Variants in NIBAN1 observed in about 807,000 individuals in gnomAD.
NIBAN1 encodes niban apoptosis regulator 1.
Under a neutral mutation model 75.1 loss-of-function variants are expected in NIBAN1, and 81 were observed. That is an observed-to-expected ratio of 1.08 (90% CI 0.90 to 1.30). The LOEUF (loss-of-function observed/expected upper bound fraction) is 1.30. Among genes scored for constraint, NIBAN1 ranks in the 50% most tolerant of loss-of-function variants. The pLI, the probability that NIBAN1 is intolerant of heterozygous loss-of-function variation, is 0.00. For missense variants in NIBAN1, 1,133 were observed against 1,128.1 expected (o/e 1.00, Z -0.06); for synonymous variants, 436 against 424.8 (o/e 1.03, Z -0.32).
At chr1:184,933,692 C>T (rs1163854447) in intron 1 of NIBAN1, among the ~76,000 whole-genome samples, 1 of 152,256 alleles carries the variant, frequency 6.6e-6, no homozygotes, top group Non-Finnish European at 1.5e-5. Context: ...ATCAATATTA[C>T]AGCAGCACCC....
chr1:184,923,817 T>C (rs780223994), intron 1 of NIBAN1, among the ~76,000 whole-genome samples: 14 of 152,184 alleles, frequency 9.2e-5, no homozygotes, highest in Non-Finnish European at 1.9e-4. Context: ...TATTTAATTT[T>C]ATTAGCATCT....
intron 5 of NIBAN1, among the ~76,000 whole-genome samples, chr1:184,853,771 A>G (rs1194318813): frequency 6.6e-6 from 1 of 152,064 alleles, no homozygotes; most frequent in Non-Finnish European, 1.5e-5. Context: ...ACAAACACAC[A>G]CATCTTTCTC....
chr1:184,956,139 C>T (rs1658486263), intron 1 of NIBAN1, among the ~76,000 whole-genome samples: 1 of 152,044 alleles, frequency 6.6e-6, no homozygotes, highest in African/African-American at 2.4e-5. Context: ...AGCGATCTTC[C>T]TACCTCAGCC....
At chr1:184,927,748 T>C (rs561070610) in intron 1 of NIBAN1, among the ~76,000 whole-genome samples, 10 of 151,920 alleles carry the variant, frequency 6.6e-5, no homozygotes, top group East Asian at 1.9e-4. Context: ...GAATGGTGAG[T>C]TCCCCCCAGG....
chr1:184,948,457 C>A (rs917524851), intron 1 of NIBAN1, among the ~76,000 whole-genome samples: 2 of 152,138 alleles, frequency 1.3e-5, no homozygotes, highest in Admixed American at 6.5e-5. Flanking sequence ...TATTATGCAT[C>A]TATGATGGCC....
intron 1 of NIBAN1, among the ~76,000 whole-genome samples, chr1:184,965,776 G>A (rs2102088043): frequency 6.6e-6 from 1 of 152,230 alleles, no homozygotes; most frequent in East Asian, 1.9e-4. Context: ...TAACAAACCT[G>A]CACGCGCTGC....
intron 1 of NIBAN1, among the ~76,000 whole-genome samples, chr1:184,901,680 C>T (rs1656959609): frequency 6.6e-6 from 1 of 152,166 alleles, no homozygotes; most frequent in Non-Finnish European, 1.5e-5. Flanking sequence ...AGGTGAATGT[C>T]ATTTTATGAT....
intron 1 of NIBAN1, among the ~76,000 whole-genome samples, chr1:184,952,821 A>T (rs550957808): frequency 2.0e-5 from 3 of 152,214 alleles, no homozygotes; most frequent in Non-Finnish European, 4.4e-5. Context: ...GACAAGCCCA[A>T]AGTCACATGG....
intron 1 of NIBAN1, among the ~76,000 whole-genome samples, chr1:184,969,348 C>A (rs1003092291): frequency 2.0e-5 from 3 of 152,188 alleles, no homozygotes; most frequent in African/African-American, 7.2e-5. Flanking sequence ...CTTTGCAGTG[C>A]TCCAAGTATT....
At chr1:184,843,127 C>T (rs1051247868) in intron 5 of NIBAN1, among the ~76,000 whole-genome samples, 2 of 152,230 alleles carry the variant, frequency 1.3e-5, no homozygotes, top group Admixed American at 1.3e-4. Flanking sequence ...AAGGAATCAA[C>T]ACTTCAGGTG....
intron 5 of NIBAN1, among the ~76,000 whole-genome samples, chr1:184,883,028 G>T (rs759932783): frequency 2.0e-5 from 3 of 152,028 alleles, no homozygotes; most frequent in Non-Finnish European, 2.9e-5. Context: ...ATCTTTTTCC[G>T]TGAGTCCCCA....
intron 10 of NIBAN1, 113 bp downstream of exon 10, chr1:184,807,961 A>C: frequency 8.1e-7 from 1 of 1,240,566 alleles, no homozygotes; most frequent in Non-Finnish European, 1.2e-6. Context: ...TGATGGCTAA[A>C]GAGACGCGAC....
intron 8 of NIBAN1, among the ~76,000 whole-genome samples, chr1:184,819,176 A>T (rs1373862668): frequency 6.6e-6 from 1 of 152,192 alleles, no homozygotes. Context: ...AAATATGCAC[A>T]GTTTGTCTTC....
intron 9 of NIBAN1, among the ~76,000 whole-genome samples, chr1:184,816,851 A>C (rs185833372): frequency 0.024 from 3,622 of 151,284 alleles, 61 homozygotes; most frequent in Non-Finnish European, 0.036. Flanking sequence ...AAAATGACCA[A>C]AAGGGGGGAA....
rs780062891 is a variant in NIBAN1, at chr1:184,795,324, C to T, written c.2440G>A (p.Glu814Lys). 5.0e-6 allele frequency: 8 copies of T among 1,611,060 alleles called. No homozygotes were observed. The Admixed American group carries it at 6.7e-5, about 13-fold the overall frequency. The change falls in exon 14 of 14, where the codon GAG (glutamate) becomes AAG (lysine). Residue 814 changes from glutamate to lysine, a missense_variant. Physicochemically the swap from Glu to Lys is moderately conservative, Grantham distance 56. Coordinates refer to ENST00000367511, the MANE Select transcript of NIBAN1 (RefSeq NM_052966.4). ...TEEPLGPMEGELPGEACTLTA... is the reference protein window; with the variant it reads ...TEEPLGPMEGKLPGEACTLTA... Reference sequence around the variant, plus strand: ...AGTGTGCAGGCCTCTCCTGGGAGCTCCCCCTCCATGGGCCCCAGGGGCTCC... The same window carrying T: ...AGTGTGCAGGCCTCTCCTGGGAGCTTCCCCTCCATGGGCCCCAGGGGCTCC...
intron 9 of NIBAN1, among the ~76,000 whole-genome samples, chr1:184,809,650 TATAC>T (rs1654317370): frequency 7.0e-6 from 1 of 142,020 alleles, no homozygotes; most frequent in Non-Finnish European, 1.5e-5. Context: ...TGTATATATA[TATAC>T]ACATATATAT....
chr1:184,940,976 G>A (rs1022956326), intron 1 of NIBAN1, among the ~76,000 whole-genome samples: 3 of 152,176 alleles, frequency 2.0e-5, no homozygotes, highest in African/African-American at 7.2e-5. Context: ...GAAGGCATCC[G>A]GACACACGTC....
chr1:184,893,857 T>C (rs1185266404), intron 3 of NIBAN1, among the ~76,000 whole-genome samples: 1 of 152,226 alleles, frequency 6.6e-6, no homozygotes, highest in African/African-American at 2.4e-5. Flanking sequence ...GAACCTTGTA[T>C]AACACTTGGT....
intron 1 of NIBAN1, among the ~76,000 whole-genome samples, chr1:184,920,090 C>T (rs1571574237): frequency 6.6e-6 from 1 of 152,030 alleles, no homozygotes. Flanking sequence ...TGGGTTTGAG[C>T]CTCCAACTGG....
Sources: gnomAD v4.1 joint callset for allele counts (sites outside exome capture counted in the v4.1 genomes callset) on GRCh38, gnomAD v4.1.1 for gene constraint, MANE v1.5 for transcripts, NCBI Gene and HGNC (gene_info 2026-07-23, HGNC 2026-07-21) for gene names.